ARHGAP12: variants seen among roughly 807,000 people sequenced by gnomAD.
ARHGAP12 encodes the protein rho GTPase-activating protein 12.
Under a neutral mutation model 108.6 loss-of-function variants are expected in ARHGAP12, and 64 were observed. The observed-to-expected ratio is 0.59, with a 90% CI of 0.48 to 0.73. The LOEUF (loss-of-function observed/expected upper bound fraction) is 0.73. Among genes scored for constraint, ARHGAP12 ranks in the 30% least tolerant of loss-of-function variants. The probability of loss-of-function intolerance (pLI) is 0.00; values close to 1 mark genes in which losing one functional copy is unlikely to be tolerated. For synonymous variants in ARHGAP12, 312 were observed against 337.2 expected (o/e 0.93, Z 0.82); for missense variants, 940 against 1,005.9 (o/e 0.93, Z 0.89).
At chr10:31,865,701 C>A (rs1277103731) in intron 3 of ARHGAP12, among the ~76,000 whole-genome samples, 1 of 151,910 alleles carries the variant, frequency 6.6e-6, no homozygotes, top group African/African-American at 2.4e-5. Context: ...TGCCGAAACC[C>A]CATCTCTACT....
At chr10:31,883,998 A>G (rs1484382099) in intron 3 of ARHGAP12, among the ~76,000 whole-genome samples, 1 of 151,746 alleles carries the variant, frequency 6.6e-6, no homozygotes, top group African/African-American at 2.4e-5. Context: ...TACAGGCATG[A>G]GCCACTACGC....
chr10:31,924,210 C>T (rs1220264710), intron 1 of ARHGAP12, among the ~76,000 whole-genome samples: 2 of 152,030 alleles, frequency 1.3e-5, no homozygotes, highest in African/African-American at 4.8e-5. Flanking sequence ...AGGTATTTAC[C>T]CAAGAGAAAT....
At chr10:31,818,635 T>G (rs1835296980) in intron 12 of ARHGAP12, among the ~76,000 whole-genome samples, 1 of 152,196 alleles carries the variant, frequency 6.6e-6, no homozygotes, top group Non-Finnish European at 1.5e-5. Context: ...CCAAACATTC[T>G]GAAAAACATA....
chr10:31,867,928 A>T (rs1837391303), intron 3 of ARHGAP12, among the ~76,000 whole-genome samples: 1 of 152,128 alleles, frequency 6.6e-6, no homozygotes, highest in Non-Finnish European at 1.5e-5. Flanking sequence ...GGCCAGGCAC[A>T]GTGGCTTACA....
In ARHGAP12 at chr10:31,823,030, A is replaced by AT. The variant is rs566421387; in HGVS notation, c.1531-2543dup. Among the ~76,000 whole-genome samples the AT allele has an allele frequency of 3.6e-4, 55 of 152,278 alleles. 1 individual carries two copies. In the South Asian group the frequency reaches 0.011, roughly 30 times the overall value. On this transcript the variant is annotated intron_variant, in intron 11 of 19. Coordinates refer to ENST00000344936, the MANE Select transcript of ARHGAP12 (RefSeq NM_018287.7). The stretch of plus-strand genomic sequence containing the variant: ...AATAACTACCAATATTTATGGGTTG[A>AT]TTTTTTAAATGCTCAAGGAATATGA...
intron 7 of ARHGAP12, among the ~76,000 whole-genome samples, chr10:31,842,104 ATTGT>A (rs534118793): frequency 6.4e-4 from 98 of 152,252 alleles, no homozygotes; most frequent in East Asian, 6.0e-3. Context: ...AAGGAGTAAG[ATTGT>A]TTGACATTTT....
intron 1 of ARHGAP12, among the ~76,000 whole-genome samples, chr10:31,925,533 A>AT (rs1389025101): frequency 1.3e-5 from 2 of 152,196 alleles, no homozygotes; most frequent in African/African-American, 4.8e-5. Context: ...TTTCCTTAGT[A>AT]TTCTCCTAAT....
At chr10:31,813,285 T>C (rs1448954658) in intron 14 of ARHGAP12, among the ~76,000 whole-genome samples, 2 of 152,136 alleles carry the variant, frequency 1.3e-5, no homozygotes, top group African/African-American at 4.8e-5. Context: ...GATATAAATA[T>C]AGACATATAA....
At chr10:31,920,555 A>G (rs912794051) in intron 1 of ARHGAP12, among the ~76,000 whole-genome samples, 5 of 152,100 alleles carry the variant, frequency 3.3e-5, no homozygotes, top group Non-Finnish European at 7.4e-5. Context: ...CTACTGGAAA[A>G]AAAAAATCCA....
At chr10:31,830,770 G>T (rs1282498703) in intron 10 of ARHGAP12, among the ~76,000 whole-genome samples, 2 of 152,050 alleles carry the variant, frequency 1.3e-5, no homozygotes, top group Non-Finnish European at 2.9e-5. Flanking sequence ...AGGGTATAAA[G>T]AAACAATTCA....
chr10:31,881,306 C>CA (rs771512582), intron 3 of ARHGAP12, among the ~76,000 whole-genome samples: 21 of 152,028 alleles, frequency 1.4e-4, no homozygotes, highest in Non-Finnish European at 2.9e-4. Flanking sequence ...ACATTATACT[C>CA]ACAGGCTGAA....
intron 18 of ARHGAP12, 116 bp from the exon 19 acceptor site, chr10:31,808,867 A>G: frequency 7.2e-7 from 1 of 1,380,006 alleles, no homozygotes; most frequent in Non-Finnish European, 1.0e-6. Flanking sequence ...GGTCACATTT[A>G]AAATGTTTGG....
Position 31,850,200 on chromosome 10 carries a change from G to A in ARHGAP12, c.1170+2317C>T, listed in dbSNP as rs560013425. Reference sequence around the variant, plus strand: ...GAGCTACAATTCAAATCTGTCAAGCGGAACAAAAAACTTAATATGTTTATT... The same window carrying A: ...GAGCTACAATTCAAATCTGTCAAGCAGAACAAAAAACTTAATATGTTTATT... On this transcript the variant is annotated intron_variant, in intron 6 of 19. Coordinates refer to ENST00000344936, the MANE Select transcript of ARHGAP12 (RefSeq NM_018287.7). Among the ~76,000 whole-genome samples the A allele has an allele frequency of 1.2e-4, 18 of 152,054 alleles. 1 individual carries two copies. The highest frequency in any genetic ancestry group is 3.4e-4 in the African/African-American group (14 of 41,502).
intron 13 of ARHGAP12, among the ~76,000 whole-genome samples, chr10:31,817,154 T>C (rs192585053): frequency 6.6e-6 from 1 of 151,950 alleles, no homozygotes; most frequent in Non-Finnish European, 1.5e-5. Flanking sequence ...AAGGCTGCAG[T>C]GAGCTATGAC....
chr10:31,893,887 A>AGTGG (rs1838562508), intron 3 of ARHGAP12, among the ~76,000 whole-genome samples: 1 of 152,228 alleles, frequency 6.6e-6, no homozygotes, highest in Non-Finnish European at 1.5e-5. Context: ...CACATCAAAA[A>AGTGG]GCTTATCCAC....
intron 3 of ARHGAP12, among the ~76,000 whole-genome samples, chr10:31,892,230 A>G (rs1469044314): frequency 6.6e-6 from 1 of 152,222 alleles, no homozygotes; most frequent in Non-Finnish European, 1.5e-5. Flanking sequence ...AGCTAACATC[A>G]TAATGACAGG....
intron 3 of ARHGAP12, among the ~76,000 whole-genome samples, chr10:31,879,347 G>T (rs953482429): frequency 6.6e-6 from 1 of 152,100 alleles, no homozygotes; most frequent in African/African-American, 2.4e-5. Flanking sequence ...GGAAGGCAGA[G>T]GTCTCCAGCC....
intron 7 of ARHGAP12, among the ~76,000 whole-genome samples, chr10:31,840,282 T>A (rs1420107646): frequency 2.0e-5 from 3 of 151,608 alleles, no homozygotes; most frequent in Non-Finnish European, 4.4e-5. Flanking sequence ...GATTTAAATA[T>A]TAATAACTCC....
At chr10:31,865,709 A>G (rs1323126923) in intron 3 of ARHGAP12, among the ~76,000 whole-genome samples, 1 of 151,898 alleles carries the variant, frequency 6.6e-6, no homozygotes, top group African/African-American at 2.4e-5. Context: ...CCCCATCTCT[A>G]CTAAAAATAC....
Sources: allele counts gnomAD v4.1 joint callset (sites outside exome capture counted in the v4.1 genomes callset), GRCh38; gene constraint gnomAD v4.1.1; transcripts MANE v1.5; gene names NCBI Gene and HGNC (gene_info 2026-07-23, HGNC 2026-07-21).